GLIS3: variants seen among roughly 807,000 people sequenced by gnomAD.
The protein encoded by GLIS3 is zinc finger protein GLIS3.
A neutral mutation model predicts 78.6 loss-of-function variants in GLIS3; 53 were observed. The observed-to-expected ratio is 0.67, with a 90% CI of 0.54 to 0.85. GLIS3 has a LOEUF of 0.85. Among genes scored for constraint, GLIS3 ranks in the 40% least tolerant of loss-of-function variants. The pLI, the probability that GLIS3 is intolerant of heterozygous loss-of-function variation, is 0.00. For missense variants in GLIS3, 1,703 were observed against 1,231.1 expected, an observed-to-expected ratio of 1.38 and a Z score of -5.74; for synonymous variants, 684 against 509.9, an observed-to-expected ratio of 1.34 and a Z score of -4.60.
intron 4 of GLIS3, among the ~76,000 whole-genome samples, chr9:4,038,983 G>A (rs2380930): frequency 0.14 from 21,982 of 152,044 alleles, 2,001 homozygotes; most frequent in East Asian, 0.44. Flanking sequence ...ACTATGAACC[G>A]TTGGGTAAAG....
chr9:4,183,828 T>C (rs1251288966), intron 2 of GLIS3, among the ~76,000 whole-genome samples: 1 of 152,214 alleles, frequency 6.6e-6, no homozygotes, highest in Non-Finnish European at 1.5e-5. Flanking sequence ...AGGTTAGTTG[T>C]TTACATGTCT....
intron 2 of GLIS3, among the ~76,000 whole-genome samples, chr9:4,154,018 C>G (rs1318935481): frequency 1.3e-5 from 2 of 152,190 alleles, no homozygotes; most frequent in Non-Finnish European, 2.9e-5. Flanking sequence ...CCAGGTGATG[C>G]TGGCTATCAG....
intron 2 of GLIS3, among the ~76,000 whole-genome samples, chr9:4,265,586 A>C (rs1002014293): frequency 5.3e-5 from 8 of 152,112 alleles, no homozygotes; most frequent in South Asian, 2.1e-4. Context: ...CTACCTCCTA[A>C]AACAAAAATG....
At chr9:3,987,980 C>T (rs1206310386) in intron 4 of GLIS3, among the ~76,000 whole-genome samples, 1 of 151,924 alleles carries the variant, frequency 6.6e-6, no homozygotes, top group Non-Finnish European at 1.5e-5. Flanking sequence ...TCCAGCTTCA[C>T]TGAGGTATAG....
At chr9:4,112,722 G>C (rs1831319659) in intron 4 of GLIS3, among the ~76,000 whole-genome samples, 1 of 152,152 alleles carries the variant, frequency 6.6e-6, no homozygotes, top group Non-Finnish European at 1.5e-5. Flanking sequence ...AGAAATTGGA[G>C]TGTGATAGTA....
At chr9:4,277,555 G>A (rs1314586827) in intron 2 of GLIS3, among the ~76,000 whole-genome samples, 1 of 152,168 alleles carries the variant, frequency 6.6e-6, no homozygotes, top group Non-Finnish European at 1.5e-5. Context: ...GTCCTTTGTT[G>A]ATATTATTCT....
the GLIS3 span, among the ~76,000 whole-genome samples, chr9:4,488,539 G>C: frequency 6.7e-6 from 1 of 150,330 alleles, no homozygotes; most frequent in African/African-American, 2.5e-5. Context: ...TTTTTTATGA[G>C]ACAGGGTTTC....
chr9:4,275,040 G>A (rs1256749082), intron 2 of GLIS3, among the ~76,000 whole-genome samples: 1 of 152,170 alleles, frequency 6.6e-6, no homozygotes, highest in African/African-American at 2.4e-5. Flanking sequence ...TATCTATTGT[G>A]TCTTTAAAAT....
intron 4 of GLIS3, among the ~76,000 whole-genome samples, chr9:4,105,097 T>A (rs980753343): frequency 6.6e-6 from 1 of 152,198 alleles, no homozygotes; most frequent in African/African-American, 2.4e-5. Flanking sequence ...TTAATAACCT[T>A]AGAATTTTTC....
chr9:3,942,859 G>T (rs996337366), intron 4 of GLIS3, among the ~76,000 whole-genome samples: 2 of 152,136 alleles, frequency 1.3e-5, no homozygotes, highest in African/African-American at 2.4e-5. Context: ...ATACAGTTTG[G>T]TGGGATTTTA....
chr9:4,247,742 G>A (rs371250803), intron 2 of GLIS3, among the ~76,000 whole-genome samples: 2 of 151,864 alleles, frequency 1.3e-5, no homozygotes, highest in Admixed American at 6.5e-5. Flanking sequence ...AAAATCCCAA[G>A]ATTATAAACC....
the GLIS3 span, among the ~76,000 whole-genome samples, chr9:4,471,153 T>A: frequency 9.2e-5 from 14 of 152,282 alleles, no homozygotes; most frequent in East Asian, 2.3e-3. Context: ...ATAGGAAGAA[T>A]CAATATTGTG....
At chr9:4,041,088 C>A (rs1197353527) in intron 4 of GLIS3, among the ~76,000 whole-genome samples, 3 of 152,214 alleles carry the variant, frequency 2.0e-5, no homozygotes. Context: ...CACAGGACAT[C>A]TGCAAGGCAG....
upstream of GLIS3, among the ~76,000 whole-genome samples, chr9:4,351,608 A>C (rs1337456108): frequency 1.3e-5 from 2 of 152,182 alleles, no homozygotes; most frequent in Non-Finnish European, 2.9e-5. Flanking sequence ...TTCATGGGCA[A>C]AAAGAGAAAA....
At chr9:4,088,361 C>A (rs1113455) in intron 4 of GLIS3, among the ~76,000 whole-genome samples, 18,046 of 152,110 alleles carry the variant, frequency 0.12, 1,138 homozygotes, top group Non-Finnish European at 0.13. Context: ...TTGGTGAATC[C>A]AATAATTAAA....
Position 4,238,612 on chromosome 9 carries a change from G to C in GLIS3, c.388+47426C>G, listed in dbSNP as rs77431718. ...CTTTCTGGGAAGTAGAATAAGTTTT[G>C]CCAGTGTTCTCTCAGTTCTTCATAA... On this transcript the variant is annotated intron_variant, in intron 2 of 10. Coordinates refer to ENST00000381971, the MANE Select transcript of GLIS3 (RefSeq NM_001042413.2). Among the ~76,000 whole-genome samples the C allele has an allele frequency of 6.2e-3, 942 of 152,260 alleles. 8 individuals are homozygous for C. The highest frequency in any genetic ancestry group is 0.021 in the African/African-American group (893 of 41,548).
chr9:4,164,799 T>C (rs1835754923), intron 2 of GLIS3, among the ~76,000 whole-genome samples: 1 of 152,124 alleles, frequency 6.6e-6, no homozygotes, highest in African/African-American at 2.4e-5. Context: ...AGGAAGGCAG[T>C]AAAACTCAGA....
chr9:4,113,474 CAT>C (rs908833176), intron 4 of GLIS3, among the ~76,000 whole-genome samples: 22 of 152,112 alleles, frequency 1.4e-4, no homozygotes, highest in Admixed American at 1.3e-3. Flanking sequence ...TCCACTTCTC[CAT>C]ACCCTTATTG....
chr9:4,029,373 G>A (rs1047768474), intron 4 of GLIS3, among the ~76,000 whole-genome samples: 4 of 151,830 alleles, frequency 2.6e-5, no homozygotes, highest in African/African-American at 4.8e-5. Context: ...CATGAGATGC[G>A]TTGATACAGG....
Sources: allele counts gnomAD v4.1 joint callset (sites outside exome capture counted in the v4.1 genomes callset), GRCh38; gene constraint gnomAD v4.1.1; transcripts MANE v1.5; gene names NCBI Gene and HGNC (gene_info 2026-07-23, HGNC 2026-07-21).